Variants in SCMH1 observed in about 807,000 individuals in gnomAD.
The protein encoded by SCMH1 is polycomb protein SCMH1.
In SCMH1, 37 loss-of-function variants were observed where a neutral mutation model predicts 70.8. The ratio of observed to expected loss-of-function variants is 0.52; its 90% CI spans 0.40 to 0.69. The LOEUF (loss-of-function observed/expected upper bound fraction) is 0.69. SCMH1 is among the 30% of genes least tolerant of loss of function. The pLI, the probability that SCMH1 is intolerant of heterozygous loss-of-function variation, is 0.00. For missense variants in SCMH1, 607 were observed against 827.3 expected (o/e 0.73, Z 3.27); for synonymous variants, 292 against 307.4 (o/e 0.95, Z 0.52).
chr1:41,028,412 T>A, intron 14 of SCMH1, 93 bp from the exon 16 acceptor site: 9 of 1,549,420 alleles, frequency 5.8e-6, no homozygotes, highest in Non-Finnish European at 7.9e-6. Flanking sequence ...TAGGCCATCC[T>A]GGGAAGTGCC....
chr1:41,084,219 C>A (rs1292591773), intron 8 of SCMH1, among the ~76,000 whole-genome samples: 1 of 152,098 alleles, frequency 6.6e-6, no homozygotes, highest in African/African-American at 2.4e-5. Flanking sequence ...ATTTTCGCAA[C>A]CTATTCATCT....
At chr1:41,030,814 C>T (rs567830708) in intron 13 of SCMH1, among the ~76,000 whole-genome samples, 1 of 152,330 alleles carries the variant, frequency 6.6e-6, no homozygotes, top group African/African-American at 2.4e-5. Flanking sequence ...TGGTCTGCCA[C>T]AGTAGATGTT....
rs533867056 is a variant in SCMH1, at chr1:41,182,118, A to C, written c.13+4003T>G. Among the ~76,000 whole-genome samples, 176 of 152,268 alleles carry C rather than the reference A, an allele frequency of 1.2e-3. 1 individual carries two copies. Among genetic ancestry groups the C allele is most frequent in the African/African-American group, 3.8e-3 (158 of 41,546 alleles). On this transcript the variant is annotated intron_variant, in intron 2 of 14. Coordinates refer to ENST00000337495, the Ensembl canonical transcript of SCMH1. ...GCAAGGACAAAAAACCAAACACCGC[A>C]TGTTCTCACTCATAGGTGGGAATTG...
exon 9 of SCMH1, chr1:41,075,284 C>A: frequency 6.2e-7 from 1 of 1,614,122 alleles, no homozygotes; most frequent in South Asian, 1.1e-5. Context: ...TTGGATGGGG[C>A]AGAGATGGGA....
chr1:41,209,824 C>T (rs1656559501), intron 1 of SCMH1, among the ~76,000 whole-genome samples: 1 of 152,214 alleles, frequency 6.6e-6, no homozygotes, highest in Admixed American at 6.5e-5. Flanking sequence ...CCCTCTCTCA[C>T]CACTCCTATT....
rs1238537524 is a variant in SCMH1, at chr1:41,160,859, A to G, written c.106+16T>C. On this transcript the variant is annotated intron_variant, in intron 4 of 14. Transcript: ENST00000337495. ...AATTCCCCTTATTTAACAGAAACAC[A>G]AGAAAAATAGCTTACCTAGATCCAG... The G allele has an allele frequency of 1.3e-6, 2 of 1,549,468 alleles. No individual in the cohort carries two copies. The highest frequency in any genetic ancestry group is 1.4e-5 in the African/African-American group (1 of 73,062).
intron 13 of SCMH1, among the ~76,000 whole-genome samples, chr1:41,031,315 AC>A (rs1644484652): frequency 6.7e-6 from 1 of 148,230 alleles, no homozygotes; most frequent in Non-Finnish European, 1.5e-5. Flanking sequence ...ACAAACAACC[AC>A]CCCCCTCCCC....
chr1:41,036,310 C>G (rs1645287971), intron 13 of SCMH1, among the ~76,000 whole-genome samples: 1 of 152,192 alleles, frequency 6.6e-6, no homozygotes, highest in South Asian at 2.1e-4. Flanking sequence ...CCCCACCTTC[C>G]TTCTCTTCTA....
chr1:41,053,796 G>A (rs1649156541), intron 10 of SCMH1, among the ~76,000 whole-genome samples: 1 of 152,164 alleles, frequency 6.6e-6, no homozygotes, highest in African/African-American at 2.4e-5. Flanking sequence ...GAAAACTGAA[G>A]GAGACTCGAG....
chr1:41,028,673 G>T (rs1644075334), exon 14 of SCMH1: 1 of 1,614,036 alleles, frequency 6.2e-7, no homozygotes, highest in African/African-American at 1.3e-5. Flanking sequence ...CATGAGGAGG[G>T]GTCCCGGCCA....
chr1:41,101,100 A>G (rs1306127374), intron 8 of SCMH1, among the ~76,000 whole-genome samples: 1 of 151,952 alleles, frequency 6.6e-6, no homozygotes, highest in Non-Finnish European at 1.5e-5. Context: ...ATAGCGGGGA[A>G]AAAAAGACCT....
intron 1 of SCMH1, among the ~76,000 whole-genome samples, chr1:41,201,212 A>G (rs770719106): frequency 6.6e-6 from 1 of 152,216 alleles, no homozygotes; most frequent in Non-Finnish European, 1.5e-5. Flanking sequence ...TATCTTTTAA[A>G]AACTGAGGGA....
At chr1:41,151,732 AT>A (rs1645093196) in intron 4 of SCMH1, 48 bp from the exon 5 acceptor site, 1 of 1,392,734 alleles carries the variant, frequency 7.2e-7, no homozygotes, top group Non-Finnish European at 1.0e-6. Context: ...CCTAAAAAAA[AT>A]GTTTTCAGGG....
At chr1:41,192,497 C>CAG (rs754370012) in intron 1 of SCMH1, among the ~76,000 whole-genome samples, 9 of 73,414 alleles carry the variant, frequency 1.2e-4, no homozygotes, top group Non-Finnish European at 2.3e-4. Flanking sequence ...AAATAGGAGA[C>CAG]ACACACACAC....
chr1:41,058,224 A>G (rs1651181883), intron 10 of SCMH1, among the ~76,000 whole-genome samples: 1 of 151,968 alleles, frequency 6.6e-6, no homozygotes. Context: ...TTTGAGCATG[A>G]TAACTGAATG....
intron 10 of SCMH1, among the ~76,000 whole-genome samples, chr1:41,065,326 AG>A (rs1288388387): frequency 6.6e-6 from 1 of 152,136 alleles, no homozygotes; most frequent in Non-Finnish European, 1.5e-5. Flanking sequence ...AAAATTAGCT[AG>A]GTATAGTGGC....
intron 11 of SCMH1, among the ~76,000 whole-genome samples, chr1:41,047,296 T>A (rs745910569): frequency 1.4e-4 from 22 of 151,824 alleles, no homozygotes; most frequent in Non-Finnish European, 2.9e-4. Context: ...GAAGGCCAGG[T>A]TCCTACAGAC....
intron 2 of SCMH1, 42 bp downstream of exon 2, chr1:41,186,079 T>C: frequency 1.9e-6 from 3 of 1,545,550 alleles, no homozygotes; most frequent in Non-Finnish European, 2.6e-6. Flanking sequence ...GCTAGGTCTC[T>C]TAATCCCTCT....
intron 2 of SCMH1, among the ~76,000 whole-genome samples, chr1:41,172,064 T>C (rs1646816244): frequency 6.6e-6 from 1 of 151,850 alleles, no homozygotes; most frequent in South Asian, 2.1e-4. Flanking sequence ...TGGAGGCACA[T>C]GCCTGTGGTC....
Sources: allele counts gnomAD v4.1 joint callset (sites outside exome capture counted in the v4.1 genomes callset), GRCh38; gene constraint gnomAD v4.1.1; transcripts MANE v1.5; gene names NCBI Gene and HGNC (gene_info 2026-07-23, HGNC 2026-07-21).